Variants in RHOBTB3 observed in about 807,000 individuals in gnomAD.
RHOBTB3 encodes the protein rho-related BTB domain-containing protein 3.
A neutral mutation model predicts 67.2 loss-of-function variants in RHOBTB3; 47 were observed. The observed-to-expected ratio is 0.70, with a 90% confidence interval of 0.55 to 0.89. RHOBTB3 has a LOEUF of 0.89. Among genes scored for constraint, RHOBTB3 ranks in the 40% least tolerant of loss-of-function variants. The pLI is 0.00. For synonymous variants in RHOBTB3, 273 were observed against 274.2 expected, an observed-to-expected ratio of 1.00 and a Z score of 0.04; for missense variants, 631 against 750.0, an observed-to-expected ratio of 0.84 and a Z score of 1.85.
At chr5:95,770,486 T>C (rs1745677038) in intron 8 of RHOBTB3, 1 of 320,382 alleles carries the variant, frequency 3.1e-6, no homozygotes, top group South Asian at 3.7e-5. Context: ...TTACAACAAT[T>C]GTGCAGCGTT....
At chr5:95,789,018 A>T in intron 11 of RHOBTB3, 160 bp downstream of exon 11, 1 of 539,068 alleles carries the variant, frequency 1.9e-6, no homozygotes, top group East Asian at 3.5e-5. Context: ...AACAATTTAT[A>T]GTCACCTGTG....
intron 5 of RHOBTB3, among the ~76,000 whole-genome samples, chr5:95,754,498 T>G (rs1467540602): frequency 3.3e-5 from 5 of 152,202 alleles, no homozygotes; most frequent in Non-Finnish European, 1.5e-5. Context: ...ATCAAGCATT[T>G]TTATTGCTAA....
At chr5:95,747,169 AT>A (rs151021973) in intron 3 of RHOBTB3, among the ~76,000 whole-genome samples, 2,311 of 152,166 alleles carry the variant, frequency 0.015, 54 homozygotes, top group African/African-American at 0.053. Flanking sequence ...CCCTTGTCTG[AT>A]TGCTGGTCGA....
chr5:95,786,012 T>C (rs17085065), intron 10 of RHOBTB3, among the ~76,000 whole-genome samples: 4,302 of 152,280 alleles, frequency 0.028, 219 homozygotes, highest in African/African-American at 0.097. Flanking sequence ...CTTTTCCCCT[T>C]GAATTTCAAA....
chr5:95,781,655 G>T (rs1278258601), intron 9 of RHOBTB3: 1 of 152,252 alleles, frequency 6.6e-6, no homozygotes, highest in African/African-American at 2.4e-5. Flanking sequence ...TTCAAAAACA[G>T]CCTGACCAAC....
At chr5:95,721,446 GA>G (rs1230263019) in intron 1 of RHOBTB3, among the ~76,000 whole-genome samples, 1 of 152,208 alleles carries the variant, frequency 6.6e-6, no homozygotes, top group Non-Finnish European at 1.5e-5. Flanking sequence ...AGCAGAAACA[GA>G]ATGGGCCTTG....
At chr5:95,732,700 ATGT>A (rs3836906) in intron 2 of RHOBTB3, 60,765 of 151,958 alleles carry the variant, frequency 0.4, 12,678 homozygotes, top group East Asian at 0.71. Context: ...AACATTACTA[ATGT>A]TGTTTGGAAA....
chr5:95,730,666 C>A (rs1011897858), upstream of RHOBTB3, among the ~76,000 whole-genome samples: 35 of 152,162 alleles, frequency 2.3e-4, no homozygotes, highest in Admixed American at 2.2e-3. Flanking sequence ...CCTTTAAAAA[C>A]GATCACACTA....
At chr5:95,767,617 CA>C in intron 7 of RHOBTB3, 1 of 530,664 alleles carries the variant, frequency 1.9e-6, no homozygotes, top group African/African-American at 1.9e-5. Flanking sequence ...AGGCATGAGC[CA>C]CTGCACCTGG....
intron 3 of RHOBTB3, among the ~76,000 whole-genome samples, chr5:95,741,649 A>T (rs1414441399): frequency 1.3e-5 from 2 of 150,084 alleles, no homozygotes; most frequent in East Asian, 4.0e-4. Context: ...ATGCATGACC[A>T]CATCTGCCTT....
At chr5:95,778,145 C>T (rs192270659) in intron 8 of RHOBTB3, among the ~76,000 whole-genome samples, 2 of 151,868 alleles carry the variant, frequency 1.3e-5, no homozygotes, top group Admixed American at 6.6e-5. Flanking sequence ...ACAGTTGTTC[C>T]TTAATGTCCA....
chr5:95,726,624 GT>G (rs1274781117), upstream of RHOBTB3, among the ~76,000 whole-genome samples: 3 of 152,146 alleles, frequency 2.0e-5, no homozygotes, highest in Non-Finnish European at 4.4e-5. Context: ...TTAGTCGTCG[GT>G]TTTTTACCTT....
At chr5:95,786,514 A>C (rs1012090429) in intron 10 of RHOBTB3, among the ~76,000 whole-genome samples, 1 of 152,218 alleles carries the variant, frequency 6.6e-6, no homozygotes, top group Non-Finnish European at 1.5e-5. Context: ...AAAATACAAG[A>C]GTTGAGGTGG....
At chr5:95,767,963 A>G (rs1745597646) in intron 7 of RHOBTB3, 83 bp from the exon 8 acceptor site, 5 of 1,308,140 alleles carry the variant, frequency 3.8e-6, no homozygotes, top group Non-Finnish European at 4.4e-6. Flanking sequence ...GATTTAGCAT[A>G]ATTTTCCAAA....
intron 11 of RHOBTB3, among the ~76,000 whole-genome samples, chr5:95,791,888 A>G (rs1746406204): frequency 6.6e-6 from 1 of 152,010 alleles, no homozygotes; most frequent in Non-Finnish European, 1.5e-5. Flanking sequence ...TCGACCTCCT[A>G]TCTCATTCTG....
chr5:95,736,968 A>G lies in RHOBTB3; in HGVS notation c.308A>G (p.Asn103Ser), dbSNP rs759555357. 24 of 1,611,532 alleles carry G rather than the reference A, an allele frequency of 1.5e-5. No homozygotes were observed. The highest frequency in any genetic ancestry group is 1.6e-4 in the Middle Eastern group (1 of 6,078). The change falls in exon 3 of 12, where the codon AAT becomes AGT. Residue 103 changes from asparagine to serine, a missense_variant. Transcript: ENST00000379982. ...ADIIVIKYNV[N>S]DKFSFHEVKD... ...ATCATTGTGATCAAATACAACGTTA[A>G]TGACAAGTTTTCATTCCATGAAGTA... is the stretch of plus-strand genomic sequence containing the variant.
intron 8 of RHOBTB3, among the ~76,000 whole-genome samples, chr5:95,777,426 G>C (rs1348353877): frequency 1.3e-5 from 2 of 152,134 alleles, no homozygotes; most frequent in East Asian, 3.8e-4. Context: ...TTTCACTCTT[G>C]TAGTTCTTTT....
intron 3 of RHOBTB3, among the ~76,000 whole-genome samples, chr5:95,747,677 A>C (rs188708660): frequency 6.7e-4 from 102 of 152,332 alleles, no homozygotes; most frequent in Non-Finnish European, 1.2e-3. Context: ...TTTTGAGTTA[A>C]TCCTTTTTAT....
intron 4 of RHOBTB3, among the ~76,000 whole-genome samples, chr5:95,749,438 T>G (rs553656927): frequency 4.8e-4 from 73 of 152,326 alleles, no homozygotes; most frequent in South Asian, 3.5e-3. Flanking sequence ...TTCCATCAAA[T>G]ATAAATGGCT....
Sources: allele counts gnomAD v4.1 joint callset (sites outside exome capture counted in the v4.1 genomes callset), GRCh38; gene constraint gnomAD v4.1.1; transcripts MANE v1.5; gene names NCBI Gene and HGNC (gene_info 2026-07-23, HGNC 2026-07-21).